The following BTG3 variants were observed in gnomAD, a reference collection of about 807,000 sequenced individuals.
BTG3 encodes the protein protein BTG3.
Under a neutral mutation model 25.8 loss-of-function variants are expected in BTG3, and 4 were observed. The observed-to-expected ratio is 0.16, with a 90% CI of 0.08 to 0.36. The LOEUF is 0.36. Among genes scored for constraint, BTG3 ranks in the 10% least tolerant of loss-of-function variants. The probability of loss-of-function intolerance (pLI) is 1.00; values close to 1 mark genes in which losing one functional copy is unlikely to be tolerated. For synonymous variants in BTG3, 107 were observed against 99.9 expected, an observed-to-expected ratio of 1.07 and a Z score of -0.42; for missense variants, 201 against 304.9, an observed-to-expected ratio of 0.66 and a Z score of 2.54.
At chr21:17,603,284 C>T (rs956388943) in intron 3 of BTG3, among the ~76,000 whole-genome samples, 1 of 152,060 alleles carries the variant, frequency 6.6e-6, no homozygotes, top group African/African-American at 2.4e-5. Flanking sequence ...TTAATTAGTC[C>T]CAGAATCTAA....
At chr21:17,607,035 C>A (rs1374151325) in intron 2 of BTG3, among the ~76,000 whole-genome samples, 1 of 152,172 alleles carries the variant, frequency 6.6e-6, no homozygotes, top group African/African-American at 2.4e-5. Context: ...ATTCTACAGA[C>A]TGAAGTCTCT....
In BTG3 at chr21:17,604,355, G is replaced by A. The variant is rs566905741; in HGVS notation, c.311+505C>T. The stretch of plus-strand genomic sequence containing the variant: ...AGCTACTCAGGAGGCTGAGGCAGGA[G>A]AATCACTTGAACCCGGCAGGCAGAG... On this transcript the variant is annotated intron_variant, in intron 3 of 4. Transcript: ENST00000348354. 1.1e-4 allele frequency: 23 copies of A among 201,126 alleles called. No individual in the cohort carries two copies. In the East Asian group the frequency reaches 4.0e-3, roughly 35 times the overall value. The allele number at this position is 201,126 out of a possible 1,614,324, so 12.5% of individuals were successfully genotyped here.
At chr21:17,602,734 G>GT (rs1260577615) in intron 3 of BTG3, among the ~76,000 whole-genome samples, 3 of 152,140 alleles carry the variant, frequency 2.0e-5, no homozygotes, top group Non-Finnish European at 4.4e-5. Context: ...CAAAGTAGCA[G>GT]TTTTTTCCTA....
chr21:17,604,381 G>A (rs2123462505), intron 3 of BTG3: 1 of 197,000 alleles, frequency 5.1e-6, no homozygotes, highest in African/African-American at 2.4e-5. Flanking sequence ...GCAGGCAGAG[G>A]TTGCAGACAG....
chr21:17,607,652 T>G (rs959390145), intron 2 of BTG3, among the ~76,000 whole-genome samples: 1 of 152,246 alleles, frequency 6.6e-6, no homozygotes, highest in Non-Finnish European at 1.5e-5. Context: ...AAGAGCCCAG[T>G]GGCAGAAAGG....
At chr21:17,606,924 T>G (rs1470281860) in intron 2 of BTG3, among the ~76,000 whole-genome samples, 1 of 152,164 alleles carries the variant, frequency 6.6e-6, no homozygotes, top group Non-Finnish European at 1.5e-5. Flanking sequence ...TTTATAGATC[T>G]TGATAATATT....
chr21:17,599,341 C>T (rs953588947), intron 3 of BTG3, among the ~76,000 whole-genome samples: 1 of 152,066 alleles, frequency 6.6e-6, no homozygotes, highest in Admixed American at 6.6e-5. Context: ...CCACCATGCT[C>T]AGCTAATTTA....
At chr21:17,611,941 G>C (rs1336479953) in intron 1 of BTG3, 2 of 152,222 alleles carry the variant, frequency 1.3e-5, no homozygotes, top group Non-Finnish European at 1.5e-5. Flanking sequence ...CGAGAAGACT[G>C]GCCCGTGGGG....
chr21:17,595,523 C>T (rs966549236), intron 4 of BTG3, among the ~76,000 whole-genome samples: 7 of 151,848 alleles, frequency 4.6e-5, no homozygotes, highest in African/African-American at 1.2e-4. Flanking sequence ...TATATGTATA[C>T]TGGATTGTAT....
chr21:17,595,593 T>A (rs2061494300), intron 4 of BTG3, among the ~76,000 whole-genome samples: 1 of 151,992 alleles, frequency 6.6e-6, no homozygotes, highest in Non-Finnish European at 1.5e-5. Context: ...TAAAGATCCT[T>A]CTCATTTTTC....
intron 3 of BTG3, among the ~76,000 whole-genome samples, chr21:17,601,318 G>A (rs939399242): frequency 6.6e-6 from 1 of 152,294 alleles, no homozygotes; most frequent in Non-Finnish European, 1.5e-5. Context: ...GCTGGAGCTG[G>A]CTAGATAGTG....
At chr21:17,602,783 A>G (rs1357412231) in intron 3 of BTG3, among the ~76,000 whole-genome samples, 5 of 152,328 alleles carry the variant, frequency 3.3e-5, no homozygotes, top group African/African-American at 1.2e-4. Context: ...ACTGAAGTAG[A>G]ATGTCCGTAT....
In BTG3 at chr21:17,597,182, G is replaced by C. The variant is rs1031723441; in HGVS notation, c.519+1435C>G. ...ATCCTAATAGTCTTTCAACATGAGG[G>C]AAAATAAATGCAATTTAATTTTAAA... On this transcript the variant is annotated intron_variant, in intron 4 of 4. Coordinates refer to ENST00000348354, the MANE Select transcript of BTG3 (RefSeq NM_006806.5). 4.6e-5 allele frequency among the ~76,000 whole-genome samples: 7 copies of C among 152,052 alleles called. No individual in the cohort carries two copies. The East Asian group carries it at 1.4e-3, about 29-fold the overall frequency.
rs754433423 is a variant in BTG3, at chr21:17,604,247, T to C, written c.311+613A>G. The C allele has an allele frequency of 7.1e-5, 32 of 448,696 alleles. No individual in the cohort carries two copies. The allele number at this position is 448,696 out of a possible 1,614,324, so 27.8% of individuals were successfully genotyped here. A position where few individuals can be genotyped will look rare whatever the true frequency, so the allele number is the denominator to read the frequency against. ...CACGAGGTCAGGAGTTTGAGAGCAG[T>C]CTGGCCAACATGGTGAAACCCCATC... On this transcript the variant is annotated intron_variant, in intron 3 of 4. Coordinates refer to ENST00000348354, the MANE Select transcript of BTG3 (RefSeq NM_006806.5).
In BTG3 at chr21:17,594,067, T is replaced by C. The variant is rs1278068823; in HGVS notation, c.*26A>G. 5 of 1,606,148 alleles carry C rather than the reference T, an allele frequency of 3.1e-6. No homozygotes were observed. Among genetic ancestry groups the C allele is most frequent in the Non-Finnish European group, 4.3e-6 (5 of 1,175,710 alleles). On this transcript the variant is annotated 3_prime_UTR_variant, in exon 5 of 5. Coordinates refer to ENST00000348354, the MANE Select transcript of BTG3 (RefSeq NM_006806.5). ...GGTTTATTCTACCTTTTTCTCAACA[T>C]GACACCAACACAATCAAAAACGAAG...
chr21:17,608,903 T>C, intron 2 of BTG3, 69 bp downstream of exon 2: 2 of 1,476,958 alleles, frequency 1.4e-6, no homozygotes, highest in East Asian at 2.3e-5. Context: ...TGCACACCCT[T>C]CAATCATCCG....
Position 17,598,821 on chromosome 21 carries a change from A to G in BTG3, c.315T>C (p.Tyr105=). The G allele has an allele frequency of 6.2e-7, 1 of 1,605,070 alleles. No individual in the cohort carries two copies. The highest frequency in any genetic ancestry group is 8.5e-7 in the Non-Finnish European group (1 of 1,177,452). The part of the protein sequence containing the change: ...WVDPCEVCCR[Y]GEKNNAFIVA... ...CAATGAATGCATTGTTTTTCTCTCCATACCTAAGAATAAAATTAAAAACTT... is the reference window on the plus strand; with the variant it reads ...CAATGAATGCATTGTTTTTCTCTCCGTACCTAAGAATAAAATTAAAAACTT... The change falls in exon 4 of 5, where the codon TAT becomes TAC. Residue 105 remains tyrosine (Y), a synonymous_variant. Transcript: ENST00000348354.
At chr21:17,603,967 C>T (rs925989979) in intron 3 of BTG3, among the ~76,000 whole-genome samples, 1 of 152,188 alleles carries the variant, frequency 6.6e-6, no homozygotes, top group African/African-American at 2.4e-5. Context: ...ATGTTGCTTT[C>T]GTTTTTGAAA....
At chr21:17,606,608 A>G (rs1314599306) in intron 2 of BTG3, among the ~76,000 whole-genome samples, 1 of 152,126 alleles carries the variant, frequency 6.6e-6, no homozygotes, top group African/African-American at 2.4e-5. Context: ...AAGCTTACAA[A>G]TTATATATAA....
Sources: allele counts gnomAD v4.1 joint callset (sites outside exome capture counted in the v4.1 genomes callset), GRCh38; gene constraint gnomAD v4.1.1; transcripts MANE v1.5; gene names NCBI Gene and HGNC (gene_info 2026-07-23, HGNC 2026-07-21).